ZNF207: variants seen among roughly 807,000 people sequenced by gnomAD.
The protein encoded by ZNF207 is zinc finger protein 207.
A neutral mutation model predicts 60.2 loss-of-function variants in ZNF207; 24 were observed. That is an observed-to-expected ratio of 0.40 (90% CI 0.29 to 0.56). ZNF207 has a LOEUF of 0.56. Ranked by LOEUF, ZNF207 falls within the 20% of genes least tolerant of loss-of-function variation. ZNF207 has a pLI of 0.49. For missense variants in ZNF207, 452 were observed against 636.6 expected, an observed-to-expected ratio of 0.71 and a Z score of 3.12; for synonymous variants, 236 against 194.7, an observed-to-expected ratio of 1.21 and a Z score of -1.77.
chr17:32,367,831 T>C lies in ZNF207; in HGVS notation c.981T>C (p.Pro327=). The C allele has an allele frequency of 6.2e-7, 1 of 1,614,144 alleles. No homozygotes were observed. The highest frequency in any genetic ancestry group is 8.5e-7 in the Non-Finnish European group (1 of 1,180,028). The change falls in exon 10 of 12, where the codon CCT becomes CCC. Residue 327 remains proline (P), a synonymous_variant. Transcript: ENST00000394670. ...GTDFKPLNST[P]ATTTEPPKPT... is the part of the protein sequence containing the mutation. ...ATTTCAAACCCTTAAATAGTACCCC[T>C]GCAACAACTACAGAACCCCCAAAGC... is the stretch of plus-strand genomic sequence containing the variant.
At chr17:32,352,022 C>A in intron 2 of ZNF207, 110 bp downstream of exon 2, 1 of 1,115,638 alleles carries the variant, frequency 9.0e-7, no homozygotes, top group Non-Finnish European at 1.2e-6. Context: ...AGCTGGAGTG[C>A]AGTGGTGCAA....
Position 32,374,138 on chromosome 17 carries a change from G to A in ZNF207, c.*4379G>A, listed in dbSNP as rs1187977058. 7 of 151,500 alleles carry A rather than the reference G, an allele frequency of 4.6e-5. No individual in the cohort carries two copies. Among genetic ancestry groups the A allele is most frequent in the Non-Finnish European group, 7.4e-5 (5 of 67,986 alleles). 9.4% of individuals were successfully genotyped at this position (151,500 alleles called of 1,614,324 possible). On this transcript the variant is annotated 3_prime_UTR_variant, in exon 12 of 12. Transcript: ENST00000394670. ...TGGTCTCAAACTCCTGACCTCAGGT[G>A]ATCCACCCATCTCAGCCTCCCAGAG...
chr17:32,354,093 A>C (rs1204212356), intron 2 of ZNF207, among the ~76,000 whole-genome samples: 1 of 151,944 alleles, frequency 6.6e-6, no homozygotes, highest in Non-Finnish European at 1.5e-5. Context: ...CTTCCACCTT[A>C]GCCTCCTGAG....
At chr17:32,360,186 C>CAAA (rs1555606146) in intron 3 of ZNF207, among the ~76,000 whole-genome samples, 2 of 52,244 alleles carry the variant, frequency 3.8e-5, no homozygotes, top group Admixed American at 4.3e-4. Flanking sequence ...ACCCCCCCCC[C>CAAA]AAAAAAAAAA....
chr17:32,351,622 C>T (rs759916330), intron 1 of ZNF207, 164 bp from the exon 2 acceptor site: 2 of 1,543,892 alleles, frequency 1.3e-6, no homozygotes, highest in Non-Finnish European at 1.7e-6. Context: ...ACTGAAATAA[C>T]ATGGCAAGTG....
intron 2 of ZNF207, among the ~76,000 whole-genome samples, chr17:32,355,876 A>C (rs1246886897): frequency 6.6e-6 from 1 of 152,192 alleles, no homozygotes; most frequent in Non-Finnish European, 1.5e-5. Flanking sequence ...GTGACTTGAC[A>C]AAGAGCGATT....
intron 1 of ZNF207, chr17:32,351,577 G>C: frequency 6.5e-7 from 1 of 1,533,720 alleles, no homozygotes; most frequent in East Asian, 2.4e-5. Flanking sequence ...TTTTTGGGGT[G>C]GTGAAGAGAG....
chr17:32,355,338 G>A (rs958918056), intron 2 of ZNF207, among the ~76,000 whole-genome samples: 4 of 152,184 alleles, frequency 2.6e-5, no homozygotes, highest in African/African-American at 9.7e-5. Flanking sequence ...GCAGTGAGCC[G>A]TGATAGCACT....
At chr17:32,363,645 C>T (rs373576926) in intron 7 of ZNF207, among the ~76,000 whole-genome samples, 2 of 146,286 alleles carry the variant, frequency 1.4e-5, no homozygotes, top group South Asian at 4.3e-4. Flanking sequence ...GATTCTCCTG[C>T]CTCAGCCTCC....
rs2150806263 is a variant in ZNF207, at chr17:32,373,299, G to A, written c.*3540G>A. The stretch of plus-strand genomic sequence containing the variant: ...AAAAACAAAGCTGCTCCTTTTGCTT[G>A]CTTGATCATTGGGATTTTTAAAAAA... On this transcript the variant is annotated 3_prime_UTR_variant, in exon 12 of 12. Transcript: ENST00000394670. 3.4e-6 allele frequency: 2 copies of A among 591,288 alleles called. No individual in the cohort carries two copies. Among genetic ancestry groups the A allele is most frequent in the East Asian group, 5.6e-5 (2 of 35,626 alleles). The allele number at this position is 591,288 out of a possible 1,614,324, so 36.6% of individuals were successfully genotyped here. A position where few individuals can be genotyped will look rare whatever the true frequency, so the allele number is the denominator to read the frequency against.
At chr17:32,357,431 C>T (rs1904603326) in intron 2 of ZNF207, among the ~76,000 whole-genome samples, 1 of 149,420 alleles carries the variant, frequency 6.7e-6, no homozygotes, top group Non-Finnish European at 1.5e-5. Context: ...TCACTGTAAC[C>T]TCTGCCTCCC....
chr17:32,359,063 A>G (rs1904709628), intron 3 of ZNF207, among the ~76,000 whole-genome samples: 1 of 151,154 alleles, frequency 6.6e-6, no homozygotes, highest in Non-Finnish European at 1.5e-5. Flanking sequence ...TTTGCCTCGC[A>G]AAGTGCTGGG....
Position 32,375,489 on chromosome 17 carries a change from T to G in ZNF207, c.*5730T>G, listed in dbSNP as rs962345082. The stretch of plus-strand genomic sequence containing the variant: ...ATGTCATAATCTGTTGAAGGTAATA[T>G]CTATAGATAACTAAGATAGTTCCTT... On this transcript the variant is annotated 3_prime_UTR_variant, in exon 12 of 12. Coordinates refer to ENST00000394670, the MANE Select transcript of ZNF207 (RefSeq NM_001098507.2). 3.3e-5 allele frequency: 5 copies of G among 152,126 alleles called. No homozygotes were observed. The highest frequency in any genetic ancestry group is 9.7e-5 in the African/African-American group (4 of 41,422). 9.4% of individuals were successfully genotyped at this position (152,126 alleles called of 1,614,324 possible).
chr17:32,359,086 A>G (rs188875250), intron 3 of ZNF207, among the ~76,000 whole-genome samples: 8 of 150,642 alleles, frequency 5.3e-5, no homozygotes, highest in East Asian at 4.0e-4. Flanking sequence ...TACAGGCGCA[A>G]GCCACCACAC....
chr17:32,357,902 C>T (rs1904644871), intron 2 of ZNF207, among the ~76,000 whole-genome samples: 1 of 152,052 alleles, frequency 6.6e-6, no homozygotes, highest in Admixed American at 6.5e-5. Flanking sequence ...TCCTCAGCCT[C>T]CCCAGTAGCT....
rs1905763683 is a variant in ZNF207, at chr17:32,378,608, A to T, written c.*8849A>T. On this transcript the variant is annotated 3_prime_UTR_variant, in exon 12 of 12. Coordinates refer to ENST00000394670, the MANE Select transcript of ZNF207 (RefSeq NM_001098507.2). ...TTTTAATACTGAAAGTTGACTACTC[A>T]TCAAGAAATGTAGCTAGATTCTTTA... The T allele has an allele frequency of 6.6e-6, 1 of 152,056 alleles. No individual in the cohort carries two copies. Among genetic ancestry groups the T allele is most frequent in the Admixed American group, 6.5e-5 (1 of 15,268 alleles). 9.4% of individuals were successfully genotyped at this position (152,056 alleles called of 1,614,324 possible).
Position 32,377,598 on chromosome 17 carries a change from T to TA in ZNF207, c.*7840dup, listed in dbSNP as rs1486152923. Reference sequence around the variant, plus strand: ...AATTGCTTGTCTTTGGGGGTATGTCTACATATTCGTTTAAATTTAGAAATT... The same window carrying TA: ...AATTGCTTGTCTTTGGGGGTATGTCTAACATATTCGTTTAAATTTAGAAATT... On this transcript the variant is annotated 3_prime_UTR_variant, in exon 12 of 12. Transcript: ENST00000394670. 1 of 152,028 alleles carries TA rather than the reference T, an allele frequency of 6.6e-6. No individual in the cohort carries two copies. Among genetic ancestry groups the TA allele is most frequent in the East Asian group, 1.9e-4 (1 of 5,202 alleles). 9.4% of individuals were successfully genotyped at this position (152,028 alleles called of 1,614,324 possible). A position where few individuals can be genotyped will look rare whatever the true frequency, so the allele number is the denominator to read the frequency against.
At chr17:32,353,073 C>T (rs928085452) in intron 2 of ZNF207, among the ~76,000 whole-genome samples, 2 of 152,116 alleles carry the variant, frequency 1.3e-5, no homozygotes, top group Non-Finnish European at 2.9e-5. Context: ...ACTGGGGAGG[C>T]TGAGGCAAGA....
chr17:32,361,263 CTG>C (rs1904866623), intron 5 of ZNF207: 2 of 571,982 alleles, frequency 3.5e-6, no homozygotes, highest in Non-Finnish European at 3.0e-6. Flanking sequence ...TCAGAATTAT[CTG>C]TGACACTTTG....
Sources: gnomAD v4.1 joint callset for allele counts (sites outside exome capture counted in the v4.1 genomes callset) on GRCh38, gnomAD v4.1.1 for gene constraint, MANE v1.5 for transcripts, NCBI Gene and HGNC (gene_info 2026-07-23, HGNC 2026-07-21) for gene names.